RHOBTB3: variants seen among roughly 807,000 people sequenced by gnomAD.
RHOBTB3 encodes Rho related BTB domain containing 3.
In RHOBTB3, 47 loss-of-function variants were observed where a neutral mutation model predicts 67.2. The ratio of observed to expected loss-of-function variants is 0.70; its 90% confidence interval spans 0.55 to 0.89. The LOEUF is 0.89. Among genes scored for constraint, RHOBTB3 ranks in the 40% least tolerant of loss-of-function variants. The probability of loss-of-function intolerance (pLI) is 0.00; values close to 1 mark genes in which losing one functional copy is unlikely to be tolerated. For missense variants in RHOBTB3, 631 were observed against 750.0 expected, an observed-to-expected ratio of 0.84 and a Z score of 1.85; for synonymous variants, 273 against 274.2, an observed-to-expected ratio of 1.00 and a Z score of 0.04.
intron 2 of RHOBTB3, among the ~76,000 whole-genome samples, chr5:95,733,326 T>C (rs962840020): frequency 6.6e-6 from 1 of 152,200 alleles, no homozygotes; most frequent in Non-Finnish European, 1.5e-5. Context: ...TTCTTTTACT[T>C]GGGATCTTTC....
chr5:95,765,693 G>A (rs890630145), intron 7 of RHOBTB3, among the ~76,000 whole-genome samples: 1 of 152,286 alleles, frequency 6.6e-6, no homozygotes, highest in South Asian at 2.1e-4. Context: ...ACGGAGTCTC[G>A]CTCTATCGCC....
At chr5:95,769,678 A>G (rs1328079904) in intron 8 of RHOBTB3, 1 of 170,512 alleles carries the variant, frequency 5.9e-6, no homozygotes, top group Non-Finnish European at 1.2e-5. Context: ...TGCATATCTT[A>G]TTAATGTATC....
intron 1 of RHOBTB3, among the ~76,000 whole-genome samples, chr5:95,725,608 T>C (rs1755030522): frequency 6.6e-6 from 1 of 152,264 alleles, no homozygotes; most frequent in Non-Finnish European, 1.5e-5. Context: ...CTGCACTTTT[T>C]TTGTGTGTTG....
chr5:95,780,778 G>A (rs1188977363), intron 9 of RHOBTB3, among the ~76,000 whole-genome samples: 9 of 152,188 alleles, frequency 5.9e-5, no homozygotes, highest in African/African-American at 2.2e-4. Flanking sequence ...TTGGAGCGCT[G>A]TCTCTTCCAC....
At position 95,731,523 on chromosome 5, in the gene RHOBTB3, C is replaced by T. The variant is rs980926824; in HGVS notation, c.-160C>T. ...CGGCTCGCTCGCTGGCTGGCGCGGC[C>T]CCGGCCCCGCTCTGCGTCGGCCCCG... On this transcript the variant is annotated 5_prime_UTR_variant, in exon 1 of 12. Coordinates refer to ENST00000379982, the MANE Select transcript of RHOBTB3 (RefSeq NM_014899.4). 2.9e-5 allele frequency: 38 copies of T among 1,299,816 alleles called. No homozygotes were observed. The African/African-American group carries it at 3.0e-4, about 10-fold the overall frequency. The allele number at this position is 1,299,816 out of a possible 1,614,324, so 80.5% of individuals were successfully genotyped here.
chr5:95,730,981 C>T (rs1755209344), upstream of RHOBTB3: 3 of 561,304 alleles, frequency 5.3e-6, no homozygotes, highest in Non-Finnish European at 9.2e-6. Context: ...GCTTCCCTAA[C>T]CTCCTTTTTC....
chr5:95,736,907 T>TG lies in RHOBTB3; in HGVS notation c.249dup (p.Tyr84ValfsTer11). ...GGTTTAGGACATATTTGACAGTGATTGGTACACTTCTCGAAATCTAATTGG... is the reference window on the plus strand; with the variant it reads ...GGTTTAGGACATATTTGACAGTGATTGGGTACACTTCTCGAAATCTAATTGG... On this transcript the variant is annotated frameshift_variant, in exon 3 of 12. Coordinates refer to ENST00000379982, the MANE Select transcript of RHOBTB3 (RefSeq NM_014899.4). LOFTEE classifies it high-confidence loss of function. 6.2e-7 allele frequency: 1 copy of TG among 1,608,084 alleles called. No individual in the cohort carries two copies. The highest frequency in any genetic ancestry group is 1.1e-5 in the South Asian group (1 of 89,512).
At chr5:95,734,429 T>C (rs1425199587) in intron 2 of RHOBTB3, among the ~76,000 whole-genome samples, 1 of 152,228 alleles carries the variant, frequency 6.6e-6, no homozygotes, top group Non-Finnish European at 1.5e-5. Context: ...TAGAAATCTT[T>C]GGAGTATTTT....
At chr5:95,730,223 T>A (rs1183870608), upstream of RHOBTB3, among the ~76,000 whole-genome samples, 1 of 152,172 alleles carries the variant, frequency 6.6e-6, no homozygotes, top group Non-Finnish European at 1.5e-5. Flanking sequence ...ACTGCCCTAC[T>A]CAATACCCCC....
intron 3 of RHOBTB3, among the ~76,000 whole-genome samples, chr5:95,739,146 T>C (rs537274988): frequency 1.5e-4 from 23 of 152,368 alleles, no homozygotes; most frequent in African/African-American, 5.1e-4. Flanking sequence ...ATCATCTTCC[T>C]CTGGCCAAAT....
At chr5:95,765,337 G>T (rs1468195584) in intron 7 of RHOBTB3, among the ~76,000 whole-genome samples, 2 of 152,124 alleles carry the variant, frequency 1.3e-5, no homozygotes, top group African/African-American at 2.4e-5. Flanking sequence ...TTTGAATACT[G>T]AGAATAAAAT....
rs145645419 is a variant in RHOBTB3, at chr5:95,745,537, A to G, written c.416-2796A>G. ...GCTAGAATTTTTGAAAAGAATTTCT[A>G]AAACTTCCAAGCAGTGGCAATGTTG... On this transcript the variant is annotated intron_variant, in intron 3 of 11. Transcript: ENST00000379982. Among the ~76,000 whole-genome samples the G allele has an allele frequency of 5.5e-3, 837 of 152,294 alleles. 11 individuals are homozygous for G. The highest frequency in any genetic ancestry group is 0.046 in the South Asian group (223 of 4,804).
intron 6 of RHOBTB3, among the ~76,000 whole-genome samples, chr5:95,758,158 A>G (rs1460119735): frequency 6.6e-6 from 1 of 152,218 alleles, no homozygotes; most frequent in Non-Finnish European, 1.5e-5. Flanking sequence ...AGCTAGATGT[A>G]TCTCCAGTGG....
At chr5:95,785,855 G>A (rs1306632285) in intron 10 of RHOBTB3, among the ~76,000 whole-genome samples, 4 of 151,922 alleles carry the variant, frequency 2.6e-5, no homozygotes, top group Non-Finnish European at 4.4e-5. Context: ...AGAACTTCCC[G>A]TGTGGTCACA....
chr5:95,755,954 A>T (rs1242657377), intron 6 of RHOBTB3, 193 bp downstream of exon 6: 9 of 541,730 alleles, frequency 1.7e-5, no homozygotes, highest in Non-Finnish European at 2.2e-5. Context: ...TTACAAATGT[A>T]CTTGCCTCAT....
intron 7 of RHOBTB3, chr5:95,767,664 A>T (rs1745588147): frequency 3.5e-6 from 2 of 575,016 alleles, no homozygotes; most frequent in Non-Finnish European, 6.3e-6. Flanking sequence ...CAAATCAAGG[A>T]CTGTCTTAAT....
chr5:95,746,894 A>G (rs148072244), intron 3 of RHOBTB3, among the ~76,000 whole-genome samples: 31 of 152,354 alleles, frequency 2.0e-4, no homozygotes, highest in African/African-American at 6.7e-4. Context: ...TTTTACATAC[A>G]TGGTATGCAT....
chr5:95,784,038 C>G (rs1746147379), intron 10 of RHOBTB3, 75 bp downstream of exon 10: 3 of 1,195,198 alleles, frequency 2.5e-6, no homozygotes, highest in Non-Finnish European at 3.4e-6. Flanking sequence ...TAAAATTTAT[C>G]ATTTTTTAAC....
At chr5:95,732,533 A>T (rs945196179) in intron 2 of RHOBTB3, 13 of 222,702 alleles carry the variant, frequency 5.8e-5, no homozygotes, top group African/African-American at 2.9e-4. Context: ...GTTCAGAAAT[A>T]GTTCCTCTGG....
Sources: gnomAD v4.1 joint callset for allele counts (sites outside exome capture counted in the v4.1 genomes callset) on GRCh38, gnomAD v4.1.1 for gene constraint, MANE v1.5 for transcripts, NCBI Gene and HGNC (gene_info 2026-07-23, HGNC 2026-07-21) for gene names.